The following DICER1 variants were observed in gnomAD, a reference collection of about 807,000 sequenced individuals.
DICER1 encodes the protein dicer 1, ribonuclease III, also known as endoribonuclease Dicer.
Under a neutral mutation model 194.1 loss-of-function variants are expected in DICER1, and 43 were observed. The ratio of observed to expected loss-of-function variants is 0.22; its 90% CI spans 0.17 to 0.29. The LOEUF (loss-of-function observed/expected upper bound fraction) is 0.29. Among genes scored for constraint, DICER1 ranks in the 10% least tolerant of loss-of-function variants. DICER1 has a pLI of 1.00. For synonymous variants in DICER1, 832 were observed against 820.5 expected (o/e 1.01, Z -0.24); for missense variants, 1,608 against 2,317.0 (o/e 0.69, Z 6.28).
chr14:95,138,751 G>A (rs1372320125), intron 1 of DICER1, among the ~76,000 whole-genome samples: 3 of 146,460 alleles, frequency 2.0e-5, no homozygotes, highest in African/African-American at 7.6e-5. Flanking sequence ...CTCACTCATA[G>A]GTGGGAATTG....
intron 21 of DICER1, among the ~76,000 whole-genome samples, chr14:95,101,834 G>C (rs747740171): frequency 3.3e-5 from 5 of 152,294 alleles, no homozygotes; most frequent in South Asian, 4.1e-4. Flanking sequence ...TTAGAGAAGA[G>C]TGAATGAGTG....
At chr14:95,117,271 T>C (rs2140133850) in intron 9 of DICER1, among the ~76,000 whole-genome samples, 1 of 152,082 alleles carries the variant, frequency 6.6e-6, no homozygotes, top group East Asian at 1.9e-4. Flanking sequence ...TAGGAAAAGA[T>C]TTCAGTTTGT....
At chr14:95,111,626 T>C (rs1456948768) in intron 13 of DICER1, among the ~76,000 whole-genome samples, 170 bp from the exon 14 acceptor site, 1 of 152,218 alleles carries the variant, frequency 6.6e-6, no homozygotes, top group Non-Finnish European at 1.5e-5. Context: ...CAAAGTCTAT[T>C]TTGGCATCCA....
At chr14:95,090,890 T>C in intron 26 of DICER1, 144 bp downstream of exon 26, 2 of 973,034 alleles carry the variant, frequency 2.1e-6, no homozygotes, top group Non-Finnish European at 3.2e-6. Context: ...AAAAGAGAAG[T>C]CAATCAGATT....
At chr14:95,122,502 A>G (rs1893018922) in intron 8 of DICER1, among the ~76,000 whole-genome samples, 1 of 152,146 alleles carries the variant, frequency 6.6e-6, no homozygotes, top group African/African-American at 2.4e-5. Context: ...GTCTCCTGGC[A>G]ATCTTCCTGC....
chr14:95,097,021 A>G (rs1222882008), intron 22 of DICER1, among the ~76,000 whole-genome samples: 2 of 152,220 alleles, frequency 1.3e-5, no homozygotes, highest in Admixed American at 1.3e-4. Context: ...CCACAATGCA[A>G]AACTTCAACT....
intron 21 of DICER1, among the ~76,000 whole-genome samples, chr14:95,101,148 T>C (rs1395130243): frequency 6.6e-6 from 1 of 152,136 alleles, no homozygotes; most frequent in Non-Finnish European, 1.5e-5. Flanking sequence ...AGGCAAGCCC[T>C]CTGCAGAAGG....
Position 95,124,319 on chromosome 14 carries a change from T to C in DICER1, c.1253A>G (p.Asp418Gly), listed in dbSNP as rs2140202621. 6.2e-7 allele frequency: 1 copy of C among 1,613,918 alleles called. No homozygotes were observed. Among genetic ancestry groups the C allele is most frequent in the Non-Finnish European group, 8.5e-7 (1 of 1,179,854 alleles). Residue 418 changes from aspartate to glycine, a missense_variant, in exon 8 of 27, where the codon GAT (aspartate) becomes GGT (glycine). Transcript: ENST00000343455. This position sits in a 1 kb window ranked among gnomAD's most constrained non-coding sequence, Gnocchi z 4.5. ...NYVSWSDSEDDDEDEEIEEKE... is the reference protein window; with the variant it reads ...NYVSWSDSEDGDEDEEIEEKE... ...TTCTTCAATTTCTTCATCCTCATCA[T>C]CATCCTCAGAATCACTCCATGACAC... is the stretch of plus-strand genomic sequence containing the variant.
rs1891123604 is a variant in DICER1, at chr14:95,103,726, T to G, written c.3670A>C (p.Ser1224Arg). ...CTGGGCTGGGGCTGGTTCTCGTAAC[T>G]GTATAAATTCTGAATGGAATATGAG... ...TTSYSIQNLYSYENQPQPSDE... is the reference protein window; with the variant it reads ...TTSYSIQNLYRYENQPQPSDE... Residue 1224 changes from serine to arginine, a missense_variant, in exon 21 of 27, where the codon AGT becomes CGT. Physicochemically the swap from Ser to Arg is moderately radical, Grantham distance 110. Around this residue, in one of 10 missense-constraint regions of DICER1, gnomAD observed 222 missense variants for 215.5 expected, o/e 1.03. Coordinates refer to ENST00000343455, the MANE Select transcript of DICER1 (RefSeq NM_177438.3). The G allele has an allele frequency of 5.6e-6, 9 of 1,614,230 alleles. No homozygotes were observed. The highest frequency in any genetic ancestry group is 7.6e-6 in the Non-Finnish European group (9 of 1,180,040).
chr14:95,114,956 T>C (rs1001655688), intron 11 of DICER1, among the ~76,000 whole-genome samples: 10 of 152,136 alleles, frequency 6.6e-5, no homozygotes, highest in Admixed American at 2.6e-4. Context: ...TGGTTCCAGA[T>C]TGAAGGAGAC....
intron 1 of DICER1, among the ~76,000 whole-genome samples, chr14:95,154,971 G>A (rs1164078466): frequency 1.3e-5 from 2 of 151,994 alleles, no homozygotes; most frequent in Non-Finnish European, 2.9e-5. Flanking sequence ...CTTAACTGAG[G>A]AGTCACTACA....
chr14:95,098,567 A>G (rs560902806), intron 22 of DICER1, among the ~76,000 whole-genome samples: 2 of 151,948 alleles, frequency 1.3e-5, no homozygotes, highest in South Asian at 4.2e-4. Context: ...AAAAAAATCA[A>G]TGACATGCCA....
chr14:95,150,282 G>A (rs1218361686), intron 1 of DICER1, among the ~76,000 whole-genome samples: 3 of 152,062 alleles, frequency 2.0e-5, no homozygotes, highest in African/African-American at 4.8e-5. Flanking sequence ...TCAGGAGTTC[G>A]AGACCAGCTT....
At chr14:95,109,464 C>T (rs1300939591) in intron 14 of DICER1, among the ~76,000 whole-genome samples, 2 of 152,156 alleles carry the variant, frequency 1.3e-5, no homozygotes, top group Admixed American at 6.5e-5. Context: ...GGATTCCTGG[C>T]CTCAAGTGAT....
At chr14:95,098,077 G>A (rs1403238471) in intron 22 of DICER1, among the ~76,000 whole-genome samples, 4 of 151,836 alleles carry the variant, frequency 2.6e-5, no homozygotes, top group Non-Finnish European at 5.9e-5. Flanking sequence ...GCCACCATAA[G>A]CCAAAAGTGG....
Position 95,090,647 on chromosome 14 carries a change from A to G in DICER1, c.5620T>C (p.Tyr1874His). The G allele has an allele frequency of 1.2e-6, 2 of 1,614,152 alleles. No individual in the cohort carries two copies. The highest frequency in any genetic ancestry group is 1.7e-6 in the Non-Finnish European group (2 of 1,180,010). Residue 1874 changes from tyrosine (Y) to histidine (H), a missense_variant, in exon 27 of 27, where the codon TAC (tyrosine) becomes CAC (histidine). Physicochemically the swap from Tyr to His is moderately conservative, Grantham distance 83. Coordinates refer to ENST00000343455, the MANE Select transcript of DICER1 (RefSeq NM_177438.3). The part of the protein sequence containing the change: ...TAKFSPAERT[Y>H]DGKVRVTVEV... The stretch of plus-strand genomic sequence containing the variant: ...ACAGTGACTCTGACCTTCCCGTCGT[A>G]AGTTCTCTCAGCCGGGCTGTAAAAA...
chr14:95,093,085 T>C (rs561128105), intron 24 of DICER1, among the ~76,000 whole-genome samples: 1 of 152,272 alleles, frequency 6.6e-6, no homozygotes, highest in South Asian at 2.1e-4. Flanking sequence ...CAACAAAGGT[T>C]TGGTGCAATT....
At position 95,094,179 on chromosome 14, in the gene DICER1, C is replaced by G. The variant is rs772144708; in HGVS notation, c.5096-23G>C. ...AATCTGAGGGGATCCGAAGTGGAACCGTAAGCTTGTGCAGAAGCATTTACA... is the reference window on the plus strand; with the variant it reads ...AATCTGAGGGGATCCGAAGTGGAACGGTAAGCTTGTGCAGAAGCATTTACA... On this transcript the variant is annotated intron_variant, in intron 23 of 26. Transcript: ENST00000343455. 5.6e-6 allele frequency: 9 copies of G among 1,613,690 alleles called. No individual in the cohort carries two copies. Among genetic ancestry groups the G allele is most frequent in the Non-Finnish European group, 7.6e-6 (9 of 1,179,974 alleles).
At chr14:95,137,294 CAAAAGA>C (rs1469010977) in intron 1 of DICER1, among the ~76,000 whole-genome samples, 1 of 85,372 alleles carries the variant, frequency 1.2e-5, no homozygotes, top group African/African-American at 4.7e-5. Flanking sequence ...AAGGGAAAGG[CAAAAGA>C]AAAAGGAAAA....
Sources: gnomAD v4.1 joint callset for allele counts (sites outside exome capture counted in the v4.1 genomes callset) on GRCh38, gnomAD v4.1.1 for gene constraint, gnomAD v4.1.1 regional missense constraint, Gnocchi (gnomAD v3.1) non-coding constraint, MANE v1.5 for transcripts, NCBI Gene and HGNC (gene_info 2026-07-23, HGNC 2026-07-21) for gene names.